The following WT1 variants were observed in gnomAD, a reference collection of about 807,000 sequenced individuals.
WT1 encodes the protein Wilms tumor protein.
A neutral mutation model predicts 60.8 loss-of-function variants in WT1; 8 were observed. The ratio of observed to expected loss-of-function variants is 0.13; its 90% CI spans 0.08 to 0.24. The LOEUF is 0.24. Among genes scored for constraint, WT1 ranks in the 10% least tolerant of loss-of-function variants. The pLI is 1.00. For missense variants in WT1, 568 were observed against 711.8 expected, an observed-to-expected ratio of 0.80 and a Z score of 2.30; for synonymous variants, 312 against 297.1, an observed-to-expected ratio of 1.05 and a Z score of -0.52.
At position 32,428,041 on chromosome 11, in the gene WT1, C is replaced by G. The variant is rs1456557634; in HGVS notation, c.802G>C (p.Val268Leu). The G allele has an allele frequency of 6.2e-7, 1 of 1,607,562 alleles. No homozygotes were observed. The highest frequency in any genetic ancestry group is 8.5e-7 in the Non-Finnish European group (1 of 1,176,312). The stretch of plus-strand genomic sequence containing the variant: ...TGGCAGCCATAGACCGGGGGCGGCA[C>G]CGAGTACTGCTGCTCACCTGCAGAG... The change falls in exon 3 of 10, where the codon GTG becomes CTG. Residue 268 changes from valine to leucine, a missense_variant. Physicochemically the swap from Val to Leu is conservative, Grantham distance 32 (BLOSUM62 1). Coordinates refer to ENST00000452863, the MANE Select transcript of WT1 (RefSeq NM_024426.6).
chr11:32,431,708 C>T (rs1853318247), intron 1 of WT1, among the ~76,000 whole-genome samples: 1 of 151,942 alleles, frequency 6.6e-6, no homozygotes, highest in Admixed American at 6.6e-5. Context: ...CCACCGCGTC[C>T]GGCCCAAGCA....
chr11:32,416,065 C>T (rs540857391), intron 5 of WT1, among the ~76,000 whole-genome samples: 1 of 152,142 alleles, frequency 6.6e-6, no homozygotes, highest in Non-Finnish European at 1.5e-5. Flanking sequence ...AAAAACAAGT[C>T]TTTTCAAAGC....
At chr11:32,409,744 C>A (rs955989657) in intron 5 of WT1, among the ~76,000 whole-genome samples, 2 of 152,086 alleles carry the variant, frequency 1.3e-5, no homozygotes, top group Non-Finnish European at 2.9e-5. Flanking sequence ...CCGAGCCTGG[C>A]AGAAAGAACT....
chr11:32,406,459 G>A (rs3858440), intron 5 of WT1, among the ~76,000 whole-genome samples: 42,595 of 151,846 alleles, frequency 0.28, 6,747 homozygotes, highest in East Asian at 0.68. Context: ...TTGCTACCTC[G>A]CCTGCCGCTC....
chr11:32,425,932 T>C (rs1220935685), intron 3 of WT1, among the ~76,000 whole-genome samples: 2 of 152,212 alleles, frequency 1.3e-5, no homozygotes, highest in East Asian at 3.8e-4. Context: ...CCTACTTCCC[T>C]AGCAACCACA....
chr11:32,424,558 A>G (rs1852962508), intron 3 of WT1, among the ~76,000 whole-genome samples: 1 of 152,220 alleles, frequency 6.6e-6, no homozygotes. Context: ...CAGAAACCCT[A>G]GTGACCTTTA....
Position 32,435,163 on chromosome 11 carries a change from C to T in WT1, c.198G>A (p.Ala66=), listed in dbSNP as rs955105743. The T allele has an allele frequency of 6.6e-7, 1 of 1,520,846 alleles. No individual in the cohort carries two copies. The highest frequency in any genetic ancestry group is 1.2e-5 in the South Asian group (1 of 82,792). The allele number at this position is 1,520,846 out of a possible 1,614,324, so 94.2% of individuals were successfully genotyped here. A position where few individuals can be genotyped will look rare whatever the true frequency, so the allele number is the denominator to read the frequency against. Residue 66 remains alanine (A), a synonymous_variant, in exon 1 of 10, where the codon GCG becomes GCA. Transcript: ENST00000452863. ...CCATTTGCTGCGGCTCAGACCCGGA[C>T]GCCCCGCGGCTCCTCCGGCCCTGGA...
intron 4 of WT1, among the ~76,000 whole-genome samples, chr11:32,417,141 T>C (rs1313815852): frequency 1.3e-5 from 2 of 152,166 alleles, no homozygotes; most frequent in African/African-American, 4.8e-5. Flanking sequence ...GTTGGTGCAA[T>C]CAGGTATGGG....
At chr11:32,409,291 T>C (rs998750056) in intron 5 of WT1, among the ~76,000 whole-genome samples, 2 of 152,112 alleles carry the variant, frequency 1.3e-5, no homozygotes, top group African/African-American at 4.8e-5. Context: ...AGTCTAAGCA[T>C]GATCGAAAAG....
At position 32,400,062 on chromosome 11, in the gene WT1, G is replaced by A. The variant is rs2132959566; in HGVS notation, c.1017-18C>T. 1 of 1,613,890 alleles carries A rather than the reference G, an allele frequency of 6.2e-7. No individual in the cohort carries two copies. Among genetic ancestry groups the A allele is most frequent in the East Asian group, 2.2e-5 (1 of 44,888 alleles). On this transcript the variant is annotated intron_variant, in intron 5 of 9. Transcript: ENST00000452863. ...TGCTGTGGCTGCAAACACAAAGAAG[G>A]GAAAAAGGCTCAGTGTGGCTCACAG...
At chr11:32,395,743 T>TGA (rs945921660) in intron 7 of WT1, among the ~76,000 whole-genome samples, 8 of 150,798 alleles carry the variant, frequency 5.3e-5, no homozygotes, top group African/African-American at 1.9e-4. Context: ...ATTACAGGCG[T>TGA]GAGCCCCCAT....
chr11:32,434,996 C>T lies in WT1; in HGVS notation c.365G>A (p.Gly122Glu). 6.7e-7 allele frequency: 1 copy of T among 1,498,284 alleles called. No homozygotes were observed. The highest frequency in any genetic ancestry group is 8.8e-7 in the Non-Finnish European group (1 of 1,133,304). The allele number at this position is 1,498,284 out of a possible 1,614,324, so 92.8% of individuals were successfully genotyped here. Residue 122 changes from glycine (G) to glutamate (E), a missense_variant, in exon 1 of 10, where the codon GGG (glycine) becomes GAG (glutamate). By Grantham distance (98) the Gly-to-Glu change is moderately conservative. This residue lies in a region of WT1 where 523 missense variants were observed against 565.1 expected (regional missense o/e 0.93). Coordinates refer to ENST00000452863, the MANE Select transcript of WT1 (RefSeq NM_024426.6). ...TGGCGGCGCGGGGCCGCCCAACGACCCGTAAGCCGAAGCGCCCGGGGGCGC... is the reference window on the plus strand; with the variant it reads ...TGGCGGCGCGGGGCCGCCCAACGACTCGTAAGCCGAAGCGCCCGGGGGCGC...
chr11:32,434,948 G>T lies in WT1; in HGVS notation c.413C>A (p.Pro138Gln), dbSNP rs1853450493. ...TTTGATGAAGGAGTGAGGCGGCGGC[G>T]GCGGGGGTGGCGGCGGAGCCGGTGG... The change falls in exon 1 of 10, where the codon CCG becomes CAG. Residue 138 changes from proline to glutamine, a missense_variant. By Grantham distance (76) the Pro-to-Gln change is moderately conservative. Transcript: ENST00000452863. The T allele has an allele frequency of 3.8e-6, 6 of 1,568,292 alleles. No homozygotes were observed. The highest frequency in any genetic ancestry group is 5.2e-6 in the Non-Finnish European group (6 of 1,161,124).
intron 5 of WT1, among the ~76,000 whole-genome samples, chr11:32,405,900 G>T (rs1346134308): frequency 6.6e-6 from 1 of 152,216 alleles, no homozygotes; most frequent in African/African-American, 2.4e-5. Flanking sequence ...TTCCAAATGA[G>T]CTGGATAATC....
At chr11:32,395,298 C>T (rs1851933037) in intron 7 of WT1, among the ~76,000 whole-genome samples, 1 of 152,158 alleles carries the variant, frequency 6.6e-6, no homozygotes, top group African/African-American at 2.4e-5. Context: ...TCCCACACTC[C>T]CACCTAGTGC....
chr11:32,434,952 G>A lies in WT1; in HGVS notation c.409C>T (p.Pro137Ser). The change falls in exon 1 of 10, where the codon CCG becomes TCG. Residue 137 changes from proline to serine, a missense_variant. This residue lies in a region of WT1 where 523 missense variants were observed against 565.1 expected (regional missense o/e 0.93). Coordinates refer to ENST00000452863, the MANE Select transcript of WT1 (RefSeq NM_024426.6). ...ATGAAGGAGTGAGGCGGCGGCGGCGGGGGTGGCGGCGGAGCCGGTGGCGGC... is the reference window on the plus strand; with the variant it reads ...ATGAAGGAGTGAGGCGGCGGCGGCGAGGGTGGCGGCGGAGCCGGTGGCGGC... The A allele has an allele frequency of 6.4e-7, 1 of 1,568,136 alleles. No homozygotes were observed. Among genetic ancestry groups the A allele is most frequent in the South Asian group, 1.1e-5 (1 of 87,154 alleles).
intron 3 of WT1, among the ~76,000 whole-genome samples, chr11:32,418,479 T>C (rs1474341403): frequency 6.6e-6 from 1 of 152,176 alleles, no homozygotes; most frequent in Non-Finnish European, 1.5e-5. Flanking sequence ...AATGGTTAAT[T>C]ATGAAATTTG....
Position 32,416,517 on chromosome 11 carries a change from G to A in WT1, c.989C>T (p.Ser330Leu), listed in dbSNP as rs762688982. The A allele has an allele frequency of 1.2e-6, 2 of 1,614,064 alleles. No homozygotes were observed. Among genetic ancestry groups the A allele is most frequent in the Non-Finnish European group, 1.7e-6 (2 of 1,180,006 alleles). The stretch of plus-strand genomic sequence containing the variant: ...GCTCTGCCCTTCTGTCCATTTCACT[G>A]AGCTGGAGCTCCCAGCAGCAACTCT... The change falls in exon 5 of 10, where the codon TCA becomes TTA. Residue 330 changes from serine to leucine, a missense_variant. By Grantham distance (145) the Ser-to-Leu change is moderately radical (BLOSUM62 -2). Coordinates refer to ENST00000452863, the MANE Select transcript of WT1 (RefSeq NM_024426.6).
chr11:32,434,569 A>T (rs921622937), intron 1 of WT1, 131 bp downstream of exon 1: 38 of 1,516,280 alleles, frequency 2.5e-5, no homozygotes, highest in Non-Finnish European at 1.9e-5. Flanking sequence ...CGCTTCCGCT[A>T]TCCTCACGGC....
Sources: allele counts gnomAD v4.1 joint callset (sites outside exome capture counted in the v4.1 genomes callset), GRCh38; gene constraint gnomAD v4.1.1; regional missense constraint gnomAD v4.1.1; transcripts MANE v1.5; gene names NCBI Gene and HGNC (gene_info 2026-07-23, HGNC 2026-07-21).